MPRIP: variants seen among roughly 807,000 people sequenced by gnomAD.
MPRIP encodes myosin phosphatase Rho interacting protein.
MPRIP carries 59 observed loss-of-function variants against 234.9 expected under a neutral mutation model. That is an observed-to-expected ratio of 0.25 (90% CI 0.20 to 0.31). MPRIP has a LOEUF of 0.31. MPRIP is among the 10% of genes least tolerant of loss of function. The probability of loss-of-function intolerance (pLI) is 1.00; values close to 1 mark genes in which losing one functional copy is unlikely to be tolerated. For synonymous variants in MPRIP, 1,144 were observed against 1,263.9 expected, an observed-to-expected ratio of 0.91 and a Z score of 2.01; for missense variants, 2,436 against 3,071.0, an observed-to-expected ratio of 0.79 and a Z score of 4.89.
intron 1 of MPRIP, among the ~76,000 whole-genome samples, chr17:17,046,452 G>A (rs370249804): frequency 1.1e-3 from 167 of 152,182 alleles, no homozygotes; most frequent in African/African-American, 3.6e-3. Flanking sequence ...GACATCAAGC[G>A]CATAAATTTT....
chr17:17,099,079 G>T (rs184552721), intron 3 of MPRIP, among the ~76,000 whole-genome samples: 2 of 152,026 alleles, frequency 1.3e-5, no homozygotes, highest in East Asian at 1.9e-4. Flanking sequence ...TGTGCAAAAG[G>T]CTTCTTTTCT....
intron 3 of MPRIP, among the ~76,000 whole-genome samples, chr17:17,104,372 G>A (rs148003226): frequency 1.9e-4 from 29 of 152,340 alleles, no homozygotes; most frequent in African/African-American, 5.8e-4. Context: ...GGCCATGAGC[G>A]AGTTTTTGGT....
chr17:17,154,624 A>T (rs2045687574), intron 13 of MPRIP, among the ~76,000 whole-genome samples: 1 of 152,208 alleles, frequency 6.6e-6, no homozygotes, highest in Non-Finnish European at 1.5e-5. Flanking sequence ...TTGTAAGCCC[A>T]AGCGTTTCAT....
intron 2 of MPRIP, chr17:17,077,758 A>G: frequency 2.3e-6 from 1 of 425,596 alleles, no homozygotes; most frequent in South Asian, 3.4e-5. Context: ...GTGTTAAAAA[A>G]AAAAAAAAAA....
At chr17:17,162,146 G>A (rs556768239) in intron 15 of MPRIP, among the ~76,000 whole-genome samples, 11 of 152,294 alleles carry the variant, frequency 7.2e-5, no homozygotes, top group South Asian at 4.1e-4. Context: ...CTAAGTTCTC[G>A]GCAAAGGCTG....
chr17:17,087,952 A>G (rs1447703431), intron 3 of MPRIP, among the ~76,000 whole-genome samples: 6 of 152,248 alleles, frequency 3.9e-5, no homozygotes, highest in African/African-American at 1.2e-4. Flanking sequence ...TGGTGAGTCA[A>G]GGACACAAAA....
Position 17,190,908 on chromosome 17 carries a change from A to G in MPRIP, c.*6014A>G, listed in dbSNP as rs1447132771. 3.9e-5 allele frequency: 6 copies of G among 152,228 alleles called. No homozygotes were observed. The East Asian group carries it at 9.6e-4, about 24-fold the overall frequency. The allele number at this position is 152,228 out of a possible 1,614,324, so 9.4% of individuals were successfully genotyped here. On this transcript the variant is annotated 3_prime_UTR_variant, in exon 24 of 24. Transcript: ENST00000651222. ...ACCTGTATATTATTTAGAGCAAGCA[A>G]TGTAAATATTACTGAGAAGTTACTG...
At chr17:17,114,394 A>G (rs996088024) in intron 3 of MPRIP, among the ~76,000 whole-genome samples, 2 of 151,210 alleles carry the variant, frequency 1.3e-5, no homozygotes, top group African/African-American at 4.9e-5. Flanking sequence ...CCTTAGATGT[A>G]CAAAGGTTTT....
intron 16 of MPRIP, among the ~76,000 whole-genome samples, chr17:17,169,778 C>T (rs569880044): frequency 2.4e-4 from 36 of 152,380 alleles, no homozygotes; most frequent in Middle Eastern, 3.4e-3. Flanking sequence ...GGGTCTTGGC[C>T]TAACAGCCGT....
At position 17,138,320 on chromosome 17, in the gene MPRIP, ATCAG is replaced by A; in HGVS notation, c.1142_1145del (p.Ile381ThrfsTer40). ...GGCCGACGTCCCTAAGGCCATCAGG[ATCAG>A]CCACCGAGAAGCCTTCCAGGTGGAG... On this transcript the variant is annotated frameshift_variant, in exon 7 of 24. Coordinates refer to ENST00000651222, the MANE Select transcript of MPRIP (RefSeq NM_001364716.4). LOFTEE classifies it high-confidence loss of function. This position sits in a 1 kb window ranked among gnomAD's most constrained non-coding sequence, Gnocchi z 5.8. 2 of 371,562 alleles carry A rather than the reference ATCAG, an allele frequency of 5.4e-6. No individual in the cohort carries two copies. The highest frequency in any genetic ancestry group is 9.6e-6 in the Non-Finnish European group (2 of 208,484). 23.0% of individuals were successfully genotyped at this position (371,562 alleles called of 1,614,324 possible). A position where few individuals can be genotyped will look rare whatever the true frequency, so the allele number is the denominator to read the frequency against.
At chr17:17,064,950 T>C (rs997574570) in intron 1 of MPRIP, among the ~76,000 whole-genome samples, 2 of 152,200 alleles carry the variant, frequency 1.3e-5, no homozygotes, top group Non-Finnish European at 2.9e-5. Context: ...ACACCAGCAG[T>C]GTATGAGTGA....
At chr17:17,155,253 GT>G (rs1033501843) in intron 13 of MPRIP, among the ~76,000 whole-genome samples, 7 of 149,726 alleles carry the variant, frequency 4.7e-5, no homozygotes, top group African/African-American at 1.7e-4. Flanking sequence ...CTAAAAGCGT[GT>G]TCTTTTTTTT....
At chr17:17,147,409 C>T (rs781204234) in intron 11 of MPRIP, 22 bp downstream of exon 11, 3 of 1,612,890 alleles carry the variant, frequency 1.9e-6, no homozygotes. Context: ...GGCTTTGCCT[C>T]TGCTGTGGAG....
rs540376370 is a variant in MPRIP at position 17,052,905 on chromosome 17, G to A, written c.123+9934G>A. ...GGATTTAACAGACCCACAAGCAACCGTGGCGCACTTTCCACACAAGGTTTC... is the reference window on the plus strand; with the variant it reads ...GGATTTAACAGACCCACAAGCAACCATGGCGCACTTTCCACACAAGGTTTC... On this transcript the variant is annotated intron_variant, in intron 1 of 23. Transcript: ENST00000651222. 1.5e-4 allele frequency among the ~76,000 whole-genome samples: 23 copies of A among 152,300 alleles called. No homozygotes were observed. In the South Asian group the frequency reaches 3.3e-3, roughly 22 times the overall value.
At chr17:17,148,972 G>A (rs1290753780) in intron 11 of MPRIP, among the ~76,000 whole-genome samples, 1 of 152,132 alleles carries the variant, frequency 6.6e-6, no homozygotes, top group Non-Finnish European at 1.5e-5. Context: ...ATTAGCAAAG[G>A]CGATATTTTA....
chr17:17,125,650 G>A (rs895411243), intron 3 of MPRIP, among the ~76,000 whole-genome samples: 3 of 152,204 alleles, frequency 2.0e-5, no homozygotes, highest in Non-Finnish European at 4.4e-5. Flanking sequence ...AGCTCAGCAT[G>A]GGCACCAGAC....
chr17:17,137,478 C>T lies in MPRIP; in HGVS notation c.737-438C>T, dbSNP rs1008899993. On this transcript the variant is annotated intron_variant, in intron 6 of 23. Transcript: ENST00000651222. The stretch of plus-strand genomic sequence containing the variant: ...GCAGTGAGCTGAGATCACACCACTG[C>T]ACTCTAGCCTGGCGACAGAGCGAGA... 2.0e-5 allele frequency among the ~76,000 whole-genome samples: 3 copies of T among 148,088 alleles called. No individual in the cohort carries two copies. In the Admixed American group the frequency reaches 2.1e-4, roughly 10 times the overall value.
At chr17:17,067,423 T>TA (rs2089066522) in intron 1 of MPRIP, among the ~76,000 whole-genome samples, 1 of 152,124 alleles carries the variant, frequency 6.6e-6, no homozygotes, top group African/African-American at 2.4e-5. Context: ...AAGGGGCAGG[T>TA]AGAGTATACA....
chr17:17,163,866 G>T (rs542520996), intron 15 of MPRIP, among the ~76,000 whole-genome samples: 1 of 147,952 alleles, frequency 6.8e-6, no homozygotes, highest in South Asian at 2.1e-4. Context: ...AAGCTGTTTG[G>T]TTAAAGCTGT....
Sources: allele counts gnomAD v4.1 joint callset (sites outside exome capture counted in the v4.1 genomes callset), GRCh38; gene constraint gnomAD v4.1.1; non-coding constraint Gnocchi (gnomAD v3.1); transcripts MANE v1.5; gene names NCBI Gene and HGNC (gene_info 2026-07-23, HGNC 2026-07-21).